MAN1A2: variants seen among roughly 807,000 people sequenced by gnomAD.
The protein encoded by MAN1A2 is mannosyl-oligosaccharide 1,2-alpha-mannosidase IB.
In MAN1A2, 26 loss-of-function variants were observed where a neutral mutation model predicts 75.7. The observed-to-expected ratio is 0.34, with a 90% CI of 0.25 to 0.48. The LOEUF is 0.48. Among genes scored for constraint, MAN1A2 ranks in the 20% least tolerant of loss-of-function variants. The probability of loss-of-function intolerance (pLI) is 0.99; values close to 1 mark genes in which losing one functional copy is unlikely to be tolerated. For synonymous variants in MAN1A2, 247 were observed against 264.6 expected, an observed-to-expected ratio of 0.93 and a Z score of 0.65; for missense variants, 562 against 775.5, an observed-to-expected ratio of 0.72 and a Z score of 3.27.
intron 8 of MAN1A2, among the ~76,000 whole-genome samples, chr1:117,483,814 G>A (rs893383563): frequency 3.9e-5 from 6 of 152,020 alleles, no homozygotes; most frequent in Non-Finnish European, 7.4e-5. Flanking sequence ...TCTTGTGCCA[G>A]TTTTCAAAGG....
At chr1:117,392,255 A>G (rs932027570) in intron 1 of MAN1A2, among the ~76,000 whole-genome samples, 2 of 151,772 alleles carry the variant, frequency 1.3e-5, no homozygotes, top group African/African-American at 4.8e-5. Context: ...GCTATAGTAT[A>G]TTGTGTTACT....
At chr1:117,482,008 G>A (rs980205459) in intron 8 of MAN1A2, among the ~76,000 whole-genome samples, 1 of 151,800 alleles carries the variant, frequency 6.6e-6, no homozygotes, top group African/African-American at 2.4e-5. Flanking sequence ...ATCCAAATCA[G>A]CAATTAGCAA....
chr1:117,425,422 G>T (rs556430708), intron 5 of MAN1A2, among the ~76,000 whole-genome samples: 6 of 152,280 alleles, frequency 3.9e-5, no homozygotes, highest in Non-Finnish European at 8.8e-5. Flanking sequence ...AGTATCTCAT[G>T]TGAATATTGT....
intron 1 of MAN1A2, among the ~76,000 whole-genome samples, chr1:117,396,519 C>T (rs750830556): frequency 5.3e-5 from 8 of 152,052 alleles, no homozygotes; most frequent in Non-Finnish European, 1.0e-4. Context: ...GAAAATAAAA[C>T]CCCCAGCTGG....
intron 11 of MAN1A2, among the ~76,000 whole-genome samples, chr1:117,500,241 T>C (rs1430874141): frequency 1.3e-5 from 2 of 151,906 alleles, no homozygotes; most frequent in African/African-American, 4.8e-5. Flanking sequence ...ATAAGACGTG[T>C]GCACAACTCC....
intron 5 of MAN1A2, among the ~76,000 whole-genome samples, chr1:117,438,751 T>C (rs1375025202): frequency 6.6e-6 from 1 of 152,170 alleles, no homozygotes; most frequent in East Asian, 1.9e-4. Flanking sequence ...CTATATAGGT[T>C]TGTAGTATAG....
intron 5 of MAN1A2, among the ~76,000 whole-genome samples, chr1:117,431,404 C>T (rs900423118): frequency 1.3e-5 from 2 of 151,670 alleles, no homozygotes; most frequent in African/African-American, 4.8e-5. Flanking sequence ...AAGGTAATTC[C>T]ACAAAGATTG....
At chr1:117,391,076 T>C (rs1653703216) in intron 1 of MAN1A2, among the ~76,000 whole-genome samples, 1 of 152,148 alleles carries the variant, frequency 6.6e-6, no homozygotes, top group Non-Finnish European at 1.5e-5. Flanking sequence ...TTGAGAAGTG[T>C]TTTATTGAGT....
chr1:117,435,491 G>A (rs35165743), intron 5 of MAN1A2, among the ~76,000 whole-genome samples: 1 of 152,160 alleles, frequency 6.6e-6, no homozygotes, highest in African/African-American at 2.4e-5. Context: ...TGTTGGAATA[G>A]GTTGAGGAGT....
chr1:117,383,567 A>G (rs1196504872), intron 1 of MAN1A2, among the ~76,000 whole-genome samples: 1 of 152,186 alleles, frequency 6.6e-6, no homozygotes, highest in East Asian at 1.9e-4. Context: ...AGAATTCACC[A>G]GTAAAGCTAT....
intron 11 of MAN1A2, among the ~76,000 whole-genome samples, chr1:117,502,636 G>A (rs373541505): frequency 7.9e-5 from 12 of 151,654 alleles, no homozygotes; most frequent in African/African-American, 2.4e-4. Flanking sequence ...AGATTAAAGA[G>A]TTTTGGAGAC....
intron 9 of MAN1A2, chr1:117,494,157 C>G (rs994173986): frequency 2.6e-5 from 4 of 152,012 alleles, no homozygotes; most frequent in African/African-American, 9.7e-5. Context: ...AGTCTGGCTG[C>G]CGAGCCAGTG....
chr1:117,373,435 AT>A (rs1653037472), intron 1 of MAN1A2, among the ~76,000 whole-genome samples: 2 of 136,588 alleles, frequency 1.5e-5, no homozygotes, highest in South Asian at 4.6e-4. Flanking sequence ...GTTTGTTTGT[AT>A]TTGACGTTTG....
At chr1:117,496,559 G>A (rs1490599600) in intron 9 of MAN1A2, among the ~76,000 whole-genome samples, 1 of 151,898 alleles carries the variant, frequency 6.6e-6, no homozygotes, top group African/African-American at 2.4e-5. Context: ...GTCTTATTAT[G>A]GTAGTGATTC....
At chr1:117,492,547 G>GT (rs1436297100) in intron 8 of MAN1A2, among the ~76,000 whole-genome samples, 1 of 152,020 alleles carries the variant, frequency 6.6e-6, no homozygotes, top group Non-Finnish European at 1.5e-5. Flanking sequence ...CAAACTTGCA[G>GT]TATCTCTGAG....
intron 1 of MAN1A2, among the ~76,000 whole-genome samples, chr1:117,397,864 C>G (rs1647252929): frequency 6.6e-6 from 1 of 151,822 alleles, no homozygotes; most frequent in African/African-American, 2.4e-5. Context: ...GTTGGCCAGG[C>G]TGGTCTCGAA....
rs377415609 is a variant in MAN1A2, at chr1:117,481,180, T to A, written c.1169-11967T>A. On this transcript the variant is annotated intron_variant, in intron 8 of 12. Coordinates refer to ENST00000356554, the MANE Select transcript of MAN1A2 (RefSeq NM_006699.5). ...ACTTTTTCTTTTTTGGTGTTTGCATTTACTTATGCTATATTAAACCTCTTG... is the reference window on the plus strand; with the variant it reads ...ACTTTTTCTTTTTTGGTGTTTGCATATACTTATGCTATATTAAACCTCTTG... Among the ~76,000 whole-genome samples the A allele has an allele frequency of 6.2e-4, 95 of 152,038 alleles. No individual in the cohort carries two copies. The South Asian group carries it at 0.01, about 17-fold the overall frequency.
chr1:117,445,870 G>GTATATATATATATATA (rs1342445541), intron 6 of MAN1A2, among the ~76,000 whole-genome samples: 2 of 114,692 alleles, frequency 1.7e-5, no homozygotes, highest in Admixed American at 1.7e-4. Flanking sequence ...ATGTGTGTGT[G>GTATATATATATATATA]TGTCTGTGTG....
intron 8 of MAN1A2, among the ~76,000 whole-genome samples, chr1:117,471,313 T>C (rs183361539): frequency 6.6e-6 from 1 of 152,066 alleles, no homozygotes; most frequent in East Asian, 1.9e-4. Context: ...ATGTGGATCA[T>C]ATTTATAATA....
Sources: gnomAD v4.1 joint callset for allele counts (sites outside exome capture counted in the v4.1 genomes callset) on GRCh38, gnomAD v4.1.1 for gene constraint, MANE v1.5 for transcripts, NCBI Gene and HGNC (gene_info 2026-07-23, HGNC 2026-07-21) for gene names.